Variants in PCDH15 observed in about 807,000 individuals in gnomAD.
PCDH15 encodes the protein protocadherin-15.
Under a neutral mutation model 178.5 loss-of-function variants are expected in PCDH15, and 129 were observed. That is an observed-to-expected ratio of 0.72 (90% CI 0.63 to 0.84). PCDH15 has a LOEUF of 0.84. Among genes scored for constraint, PCDH15 ranks in the 40% least tolerant of loss-of-function variants. The probability of loss-of-function intolerance (pLI) is 0.00; values close to 1 mark genes in which losing one functional copy is unlikely to be tolerated. For missense variants in PCDH15, 2,230 were observed against 2,099.9 expected (o/e 1.06, Z -1.21); for synonymous variants, 800 against 732.0 (o/e 1.09, Z -1.50).
rs952478877 is a variant in PCDH15 at position 55,608,084 on chromosome 10, G to A, written c.-156+19541C>T. ...AAACCTTTGGTTTGTAGATAAAGAC[G>A]GGAGCGTCTATGAGTGTAGAAGTAA... On this transcript the variant is annotated intron_variant, in intron 2 of 5. Transcript: ENST00000613346. 2.0e-5 allele frequency among the ~76,000 whole-genome samples: 3 copies of A among 152,026 alleles called. No homozygotes were observed. The South Asian group carries it at 6.2e-4, about 32-fold the overall frequency.
chr10:55,301,309 T>C (rs1843271649), intron 1 of PCDH15, among the ~76,000 whole-genome samples: 1 of 152,172 alleles, frequency 6.6e-6, no homozygotes, highest in South Asian at 2.1e-4. Context: ...CTGATAGGTG[T>C]GAAGCGATGC....
intron 2 of PCDH15, among the ~76,000 whole-genome samples, chr10:55,032,683 T>C (rs992573381): frequency 1.3e-5 from 2 of 152,130 alleles, no homozygotes; most frequent in Admixed American, 6.5e-5. Context: ...TCATCTACTA[T>C]TAGATAAGGA....
chr10:54,695,204 T>C (rs1468889371), intron 1 of PCDH15, among the ~76,000 whole-genome samples: 2 of 152,098 alleles, frequency 1.3e-5, no homozygotes, highest in African/African-American at 4.8e-5. Flanking sequence ...ACCCTAAAAC[T>C]TAAAGTATAA....
intron 1 of PCDH15, among the ~76,000 whole-genome samples, chr10:54,751,592 A>T (rs146334740): frequency 4.3e-4 from 65 of 152,324 alleles, no homozygotes; most frequent in African/African-American, 1.5e-3. Context: ...AAATTGGACA[A>T]ATAGAATTAA....
intron 14 of PCDH15, among the ~76,000 whole-genome samples, chr10:54,142,055 G>A (rs2043459215): frequency 6.6e-6 from 1 of 152,022 alleles, no homozygotes; most frequent in Non-Finnish European, 1.5e-5. Flanking sequence ...GCTTTCAAAA[G>A]TTTGTCAAAG....
chr10:54,057,305 A>G (rs941661816), intron 18 of PCDH15, among the ~76,000 whole-genome samples: 7 of 152,230 alleles, frequency 4.6e-5, no homozygotes, highest in Admixed American at 4.6e-4. Flanking sequence ...GTTCTCCATG[A>G]GGGCTCTGCC....
chr10:54,591,349 G>A (rs751006619), intron 2 of PCDH15, among the ~76,000 whole-genome samples: 13 of 152,186 alleles, frequency 8.5e-5, no homozygotes, highest in Non-Finnish European at 1.6e-4. Context: ...GGAGAGAAAT[G>A]TGATTGTAGA....
chr10:53,886,520 T>C (rs1017410123), intron 26 of PCDH15, among the ~76,000 whole-genome samples: 2 of 152,114 alleles, frequency 1.3e-5, no homozygotes, highest in Non-Finnish European at 2.9e-5. Flanking sequence ...TAAAATGTTC[T>C]TGTAGTAATT....
chr10:54,501,295 C>T (rs760069133), intron 3 of PCDH15, among the ~76,000 whole-genome samples: 3 of 150,572 alleles, frequency 2.0e-5, no homozygotes, highest in Non-Finnish European at 3.0e-5. Context: ...AACACTTTCA[C>T]GTTGGATATC....
At chr10:55,072,413 G>T (rs1841772097) in intron 2 of PCDH15, among the ~76,000 whole-genome samples, 1 of 151,970 alleles carries the variant, frequency 6.6e-6, no homozygotes. Flanking sequence ...TGATAAAGGG[G>T]ATATCACCAC....
At chr10:53,943,501 CA>C (rs67069528) in intron 23 of PCDH15, among the ~76,000 whole-genome samples, 12 of 150,186 alleles carry the variant, frequency 8.0e-5, no homozygotes, top group Non-Finnish European at 1.5e-4. Context: ...AACAAACAAA[CA>C]AAAAAAACAA....
At chr10:55,292,561 T>C (rs1843033797) in intron 1 of PCDH15, among the ~76,000 whole-genome samples, 1 of 152,080 alleles carries the variant, frequency 6.6e-6, no homozygotes. Flanking sequence ...TTTGTATTTT[T>C]AGTAGAGATG....
At chr10:54,192,154 A>AAAAG (rs141596947) in intron 11 of PCDH15, among the ~76,000 whole-genome samples, 26,026 of 132,370 alleles carry the variant, frequency 0.2, 2,844 homozygotes, top group Non-Finnish European at 0.24. Context: ...GAAAGAAAGA[A>AAAAG]AAAGAAAGAA....
At chr10:54,191,752 A>C (rs1253076178) in intron 11 of PCDH15, among the ~76,000 whole-genome samples, 5 of 9,024 alleles carry the variant, frequency 5.5e-4, no homozygotes, top group Admixed American at 3.8e-3. Context: ...CAAAAAATGC[A>C]AAAAAAAAAA....
chr10:54,858,712 C>A (rs1425394131), intron 3 of PCDH15, among the ~76,000 whole-genome samples: 3 of 151,698 alleles, frequency 2.0e-5, no homozygotes, highest in Admixed American at 1.3e-4. Flanking sequence ...ATAATTTTAT[C>A]CTACCTAGGT....
At chr10:54,005,678 G>A (rs552571401) in intron 20 of PCDH15, among the ~76,000 whole-genome samples, 1 of 152,126 alleles carries the variant, frequency 6.6e-6, no homozygotes. Flanking sequence ...ATAAGGATGT[G>A]GAGAAAAGGA....
intron 2 of PCDH15, among the ~76,000 whole-genome samples, chr10:55,340,848 G>C (rs1844537379): frequency 6.6e-6 from 1 of 151,878 alleles, no homozygotes; most frequent in Non-Finnish European, 1.5e-5. Context: ...GATTTATTGT[G>C]CCTAATAATT....
At chr10:55,482,660 C>G (rs1840208026) in intron 2 of PCDH15, among the ~76,000 whole-genome samples, 1 of 151,778 alleles carries the variant, frequency 6.6e-6, no homozygotes, top group Admixed American at 6.6e-5. Flanking sequence ...TCTCTTCTAG[C>G]TTGTAGGATT....
At position 55,267,438 on chromosome 10, in the gene PCDH15, T is replaced by A. The variant is rs74139510; in HGVS notation, c.-156+52161A>T. Among the ~76,000 whole-genome samples, 579 of 152,302 alleles carry A rather than the reference T, an allele frequency of 3.8e-3. 3 individuals are homozygous for A. Among genetic ancestry groups the A allele is most frequent in the African/African-American group, 0.014 (562 of 41,556 alleles). Reference sequence around the variant, plus strand: ...TAATTTTTGACATTTAAGAGAAGTGTATGTCAGCAAAATTAAGTGCAGGTT... The same window carrying A: ...TAATTTTTGACATTTAAGAGAAGTGAATGTCAGCAAAATTAAGTGCAGGTT... On this transcript the variant is annotated intron_variant, in intron 1 of 5. Coordinates refer to the PCDH15 transcript ENST00000458638.
Sources: allele counts gnomAD v4.1 joint callset (sites outside exome capture counted in the v4.1 genomes callset), GRCh38; gene constraint gnomAD v4.1.1; transcripts MANE v1.5; gene names NCBI Gene and HGNC (gene_info 2026-07-23, HGNC 2026-07-21).